The following SSH2 variants were observed in gnomAD, a reference collection of about 807,000 sequenced individuals.
The protein encoded by SSH2 is slingshot protein phosphatase 2.
A neutral mutation model predicts 135.2 loss-of-function variants in SSH2; 37 were observed. That is an observed-to-expected ratio of 0.27 (90% CI 0.21 to 0.36). The LOEUF is 0.36. Ranked by LOEUF, SSH2 falls within the 10% of genes least tolerant of loss-of-function variation. The pLI is 1.00. For synonymous variants in SSH2, 628 were observed against 646.2 expected, an observed-to-expected ratio of 0.97 and a Z score of 0.43; for missense variants, 1,408 against 1,765.3, an observed-to-expected ratio of 0.80 and a Z score of 3.63.
intron 1 of SSH2, among the ~76,000 whole-genome samples, chr17:29,849,349 G>A (rs563119834): frequency 6.6e-6 from 1 of 151,978 alleles, no homozygotes; most frequent in African/African-American, 2.4e-5. Context: ...TGTGGTGGCC[G>A]GTGCCTGTAG....
intron 2 of SSH2, among the ~76,000 whole-genome samples, chr17:29,817,793 T>C (rs2042584047): frequency 6.6e-6 from 1 of 152,144 alleles, no homozygotes; most frequent in African/African-American, 2.4e-5. Flanking sequence ...GTCTCGTTCT[T>C]GTTGACCAGG....
At chr17:29,794,024 G>T in intron 2 of SSH2, 87 bp from the exon 3 acceptor site, 1 of 1,057,866 alleles carries the variant, frequency 9.5e-7, no homozygotes, top group Non-Finnish European at 1.4e-6. Flanking sequence ...AGTTTCACAT[G>T]TTGTGTACTT....
intron 3 of SSH2, chr17:29,761,035 G>C (rs1054875185): frequency 1.8e-6 from 2 of 1,118,644 alleles, no homozygotes; most frequent in Admixed American, 4.9e-5. Flanking sequence ...AGGCAAGCAG[G>C]ATGCGCGCTC....
At chr17:29,740,558 T>A (rs2040522370) in intron 3 of SSH2, among the ~76,000 whole-genome samples, 1 of 152,162 alleles carries the variant, frequency 6.6e-6, no homozygotes, top group African/African-American at 2.4e-5. Context: ...TTCTCTTTTC[T>A]CCTATATTCA....
intron 1 of SSH2, among the ~76,000 whole-genome samples, chr17:29,906,887 A>G (rs1044540287): frequency 1.3e-5 from 2 of 152,230 alleles, no homozygotes; most frequent in Non-Finnish European, 2.9e-5. Flanking sequence ...GTTGTGGAGA[A>G]AAAGGAACAT....
chr17:29,885,236 C>G (rs866771685), intron 1 of SSH2, among the ~76,000 whole-genome samples: 1 of 150,918 alleles, frequency 6.6e-6, no homozygotes, highest in Non-Finnish European at 1.5e-5. Flanking sequence ...GTTCCTCTTT[C>G]TTCTCACCAA....
chr17:29,677,741 A>G lies in SSH2; in HGVS notation c.480T>C (p.Ser160=), dbSNP rs748640928. Reference sequence around the variant, plus strand: ...AAACTAAGCCCATGGTACAAGTGCTACTGCAAGACAAGAAGTAGTCCAATA... The same window carrying G: ...AAACTAAGCCCATGGTACAAGTGCTGCTGCAAGACAAGAAGTAGTCCAATA... ...VLGMDFSSND[S]STCTMGLVLP... The change falls in exon 7 of 16, where the codon AGT becomes AGC. Residue 160 remains serine (S), a splice_region_variant and synonymous_variant. Coordinates refer to ENST00000540801, the MANE Select transcript of SSH2 (RefSeq NM_001282129.2). The G allele has an allele frequency of 8.7e-6, 14 of 1,613,230 alleles. No individual in the cohort carries two copies. The highest frequency in any genetic ancestry group is 4.4e-5 in the South Asian group (4 of 91,058).
At chr17:29,833,365 T>C (rs2042881397) in intron 2 of SSH2, among the ~76,000 whole-genome samples, 1 of 152,234 alleles carries the variant, frequency 6.6e-6, no homozygotes, top group Non-Finnish European at 1.5e-5. Context: ...ATAGTTTTTG[T>C]CTTGAAATCT....
chr17:29,721,293 A>G (rs1415794823), intron 3 of SSH2, among the ~76,000 whole-genome samples: 2 of 148,242 alleles, frequency 1.3e-5, no homozygotes, highest in African/African-American at 4.9e-5. Flanking sequence ...GTTAAGATTC[A>G]TTATATATTT....
chr17:29,782,049 T>A (rs534602744), intron 3 of SSH2, among the ~76,000 whole-genome samples: 15 of 152,082 alleles, frequency 9.9e-5, no homozygotes, highest in Non-Finnish European at 2.1e-4. Flanking sequence ...TTTCACCATG[T>A]TGGCCAGGCT....
intron 2 of SSH2, among the ~76,000 whole-genome samples, chr17:29,799,204 T>C (rs2042209005): frequency 6.6e-6 from 1 of 152,236 alleles, no homozygotes; most frequent in African/African-American, 2.4e-5. Context: ...AGATTGTTTC[T>C]ATTTTTTTGG....
chr17:29,853,828 T>C (rs1274571190), intron 1 of SSH2, among the ~76,000 whole-genome samples: 2 of 151,546 alleles, frequency 1.3e-5, no homozygotes, highest in Non-Finnish European at 2.9e-5. Context: ...GAGCCAGGTG[T>C]GGTAACATGT....
intron 3 of SSH2, among the ~76,000 whole-genome samples, chr17:29,791,673 TG>T (rs1009054053): frequency 3.3e-5 from 5 of 152,226 alleles, no homozygotes; most frequent in Non-Finnish European, 7.3e-5. Flanking sequence ...TAAGTTTCTT[TG>T]CTTCGAGTCG....
intron 3 of SSH2, among the ~76,000 whole-genome samples, chr17:29,703,399 G>A (rs957008440): frequency 6.6e-6 from 1 of 151,040 alleles, no homozygotes; most frequent in African/African-American, 2.4e-5. Context: ...ACCGGCGCCC[G>A]CCACCACACC....
intron 1 of SSH2, among the ~76,000 whole-genome samples, chr17:29,874,296 A>C (rs574431015): frequency 7.1e-6 from 1 of 140,242 alleles, no homozygotes; most frequent in Admixed American, 7.0e-5. Flanking sequence ...GTCTCAAAAA[A>C]ATGGGGAGGG....
chr17:29,738,550 A>ATTTTCTTTTTTT (rs1567933036), intron 3 of SSH2, among the ~76,000 whole-genome samples: 3 of 137,368 alleles, frequency 2.2e-5, no homozygotes, highest in Non-Finnish European at 3.2e-5. Context: ...TTTCTTTTTT[A>ATTTTCTTTTTTT]TTTTATTTTA....
chr17:29,842,661 T>A (rs1367335177), intron 2 of SSH2, among the ~76,000 whole-genome samples: 4 of 152,230 alleles, frequency 2.6e-5, no homozygotes, highest in African/African-American at 4.8e-5. Flanking sequence ...ATCATTGAGC[T>A]ATGCTTTCTT....
intron 3 of SSH2, among the ~76,000 whole-genome samples, chr17:29,789,729 G>A (rs968756684): frequency 6.6e-6 from 1 of 152,202 alleles, no homozygotes; most frequent in African/African-American, 2.4e-5. Flanking sequence ...GAAGCAATGA[G>A]GGTGACGCTG....
At chr17:29,667,469 T>A (rs1042039279) in intron 9 of SSH2, among the ~76,000 whole-genome samples, 2 of 152,206 alleles carry the variant, frequency 1.3e-5, no homozygotes, top group African/African-American at 2.4e-5. Flanking sequence ...CTCCGCCTCC[T>A]GTCAGATCAG....
Sources: allele counts gnomAD v4.1 joint callset (sites outside exome capture counted in the v4.1 genomes callset), GRCh38; gene constraint gnomAD v4.1.1; transcripts MANE v1.5; gene names NCBI Gene and HGNC (gene_info 2026-07-23, HGNC 2026-07-21).